Variants in PIGL observed in about 807,000 individuals in gnomAD.
The protein encoded by PIGL is phosphatidylinositol glycan anchor biosynthesis class L.
PIGL carries 22 observed loss-of-function variants against 31.1 expected under a neutral mutation model. That is an observed-to-expected ratio of 0.71 (90% confidence interval 0.51 to 1.01). PIGL has a LOEUF of 1.01. Ranked by LOEUF, PIGL falls within the 50% of genes least tolerant of loss-of-function variation. The pLI, the probability that PIGL is intolerant of heterozygous loss-of-function variation, is 0.00. For missense variants in PIGL, 302 were observed against 315.9 expected (o/e 0.96, Z 0.33); for synonymous variants, 131 against 117.4 (o/e 1.12, Z -0.75).
chr17:16,260,459 T>C (rs1255228673), intron 2 of PIGL, among the ~76,000 whole-genome samples: 4 of 152,180 alleles, frequency 2.6e-5, no homozygotes, highest in African/African-American at 9.7e-5. Context: ...CAGGAAGACC[T>C]GCCTGCTGTT....
chr17:16,253,073 T>G (rs1334411516), intron 2 of PIGL, among the ~76,000 whole-genome samples: 1 of 152,134 alleles, frequency 6.6e-6, no homozygotes, highest in Admixed American at 6.5e-5. Context: ...CAAAATTAGC[T>G]TGGGGTGATG....
intron 3 of PIGL, among the ~76,000 whole-genome samples, chr17:16,301,790 C>T (rs909194586): frequency 1.3e-5 from 2 of 151,918 alleles, no homozygotes; most frequent in Non-Finnish European, 2.9e-5. Context: ...CCAGGAGTCT[C>T]CATCTCCTGA....
chr17:16,226,481 C>T (rs73978817), intron 1 of PIGL, among the ~76,000 whole-genome samples: 7,532 of 152,232 alleles, frequency 0.049, 227 homozygotes, highest in African/African-American at 0.093. Flanking sequence ...CCTTAAAAAT[C>T]TTGCAGTATC....
At chr17:16,248,692 T>C (rs2092758699) in intron 2 of PIGL, among the ~76,000 whole-genome samples, 1 of 152,196 alleles carries the variant, frequency 6.6e-6, no homozygotes, top group Non-Finnish European at 1.5e-5. Context: ...TTTCTAGCAT[T>C]CACCTCAAAA....
rs115465233 is a variant in PIGL, at chr17:16,290,522, T to A, written c.336-9366T>A. Among the ~76,000 whole-genome samples, 800 of 152,252 alleles carry A rather than the reference T, an allele frequency of 5.3e-3. 9 individuals carry two copies. The highest frequency in any genetic ancestry group is 0.018 in the African/African-American group (757 of 41,556). ...GATCCTTATGCCTCAGCCTCCCAAG[T>A]AGTTAGGACTACAGGTGCATGCCAC... On this transcript the variant is annotated intron_variant, in intron 2 of 6. Coordinates refer to ENST00000225609, the MANE Select transcript of PIGL (RefSeq NM_004278.4).
chr17:16,255,549 G>C (rs144858945), intron 2 of PIGL, among the ~76,000 whole-genome samples: 1 of 152,234 alleles, frequency 6.6e-6, no homozygotes, highest in Non-Finnish European at 1.5e-5. Flanking sequence ...CATGCAAATC[G>C]TAACAGGGAA....
Position 16,219,251 on chromosome 17 carries a change from G to A in PIGL, c.235+1790G>A, listed in dbSNP as rs369051304. Among the ~76,000 whole-genome samples, 14 of 151,690 alleles carry A rather than the reference G, an allele frequency of 9.2e-5. No individual in the cohort carries two copies. The East Asian group carries it at 1.4e-3, about 15-fold the overall frequency. ...TTTGTTTTTAGTTTTTAGTAGAGAC[G>A]GGGTTTCACTGTGTTAGCCAGGATG... On this transcript the variant is annotated intron_variant, in intron 1 of 6. Coordinates refer to ENST00000225609, the MANE Select transcript of PIGL (RefSeq NM_004278.4).
intron 2 of PIGL, among the ~76,000 whole-genome samples, chr17:16,286,686 G>C (rs1414025315): frequency 6.6e-6 from 1 of 152,144 alleles, no homozygotes; most frequent in Non-Finnish European, 1.5e-5. Flanking sequence ...GGAAGGAGTC[G>C]TCGGGCTTCT....
At chr17:16,246,844 C>A (rs62074164) in intron 2 of PIGL, among the ~76,000 whole-genome samples, 39,323 of 148,388 alleles carry the variant, frequency 0.27, 6,871 homozygotes, top group Middle Eastern at 0.38. Flanking sequence ...CGCCACCGCG[C>A]CCGGCTAATT....
At chr17:16,248,820 A>T (rs532129246) in intron 2 of PIGL, among the ~76,000 whole-genome samples, 1 of 152,160 alleles carries the variant, frequency 6.6e-6, no homozygotes, top group African/African-American at 2.4e-5. Flanking sequence ...ACAAAATACC[A>T]TAGACTGGGT....
rs187469740 is a variant in PIGL at position 16,271,063 on chromosome 17, T to G, written c.336-28825T>G. Among the ~76,000 whole-genome samples the G allele has an allele frequency of 1.1e-3, 169 of 152,306 alleles. 1 individual carries two copies. The highest frequency in any genetic ancestry group is 3.9e-3 in the African/African-American group (164 of 41,560). Reference sequence around the variant, plus strand: ...AAAGAAGTCATAGAATGTATGTATTTCTTTATTGAATAAAGTCTATTAAAA... The same window carrying G: ...AAAGAAGTCATAGAATGTATGTATTGCTTTATTGAATAAAGTCTATTAAAA... On this transcript the variant is annotated intron_variant, in intron 2 of 6. Coordinates refer to ENST00000225609, the MANE Select transcript of PIGL (RefSeq NM_004278.4).
At chr17:16,267,700 A>G (rs1211422096) in intron 2 of PIGL, among the ~76,000 whole-genome samples, 1 of 151,810 alleles carries the variant, frequency 6.6e-6, no homozygotes, top group African/African-American at 2.4e-5. Flanking sequence ...ATATCAAAAA[A>G]AAGAAAAAAA....
Position 16,290,097 on chromosome 17 carries a change from T to A in PIGL, c.336-9791T>A, listed in dbSNP as rs572656203. On this transcript the variant is annotated intron_variant, in intron 2 of 6. Transcript: ENST00000225609. ...GGCCTTCTTTTTTTTCTCTTTTTTT[T>A]AATTTTTTTTTTTTGAGACGGAGAC... Among the ~76,000 whole-genome samples, 17 of 150,758 alleles carry A rather than the reference T, an allele frequency of 1.1e-4. No individual in the cohort carries two copies. The East Asian group carries it at 1.6e-3, about 14-fold the overall frequency.
At chr17:16,229,858 A>ATTTTTTTTTTTT (rs71150280) in intron 1 of PIGL, among the ~76,000 whole-genome samples, 3 of 97,700 alleles carry the variant, frequency 3.1e-5, no homozygotes, top group African/African-American at 4.3e-5. Context: ...TAAAGTCATG[A>ATTTTTTTTTTTT]TTTTTTTTTT....
chr17:16,284,202 C>T (rs2092928141), intron 2 of PIGL: 2 of 152,182 alleles, frequency 1.3e-5, no homozygotes, highest in African/African-American at 2.4e-5. Flanking sequence ...GTCTTGAACT[C>T]CTGACCTCAG....
In PIGL at chr17:16,257,040, G is replaced by A. The variant is rs546009694; in HGVS notation, c.335+22970G>A. 2.4e-3 allele frequency among the ~76,000 whole-genome samples: 362 copies of A among 152,172 alleles called. 1 individual carries two copies. The highest frequency in any genetic ancestry group is 2.3e-3 in the African/African-American group (97 of 41,522). On this transcript the variant is annotated intron_variant, in intron 2 of 6. Coordinates refer to ENST00000225609, the MANE Select transcript of PIGL (RefSeq NM_004278.4). ...CATTTGAGCCCAGGAAGTCGAGGCC[G>A]CAATGAGCCATGCACTCCACTGCCA...
rs370297452 is a variant in PIGL at position 16,316,744 on chromosome 17, A to G, written c.526+32A>G. On this transcript the variant is annotated intron_variant, in intron 5 of 6. Transcript: ENST00000225609. ...CTTGTTCCTTTTGCAAAGGGCCACA[A>G]GATACTGTCCCTCTGAGAAACTTAT... The G allele has an allele frequency of 4.5e-5, 72 of 1,608,898 alleles. 1 individual carries two copies. The African/African-American group carries it at 8.3e-4, about 18-fold the overall frequency.
chr17:16,226,208 C>G (rs1266863421), intron 1 of PIGL, among the ~76,000 whole-genome samples: 1 of 151,998 alleles, frequency 6.6e-6, no homozygotes, highest in Non-Finnish European at 1.5e-5. Flanking sequence ...TGGTTTCAGA[C>G]AAAGTATACT....
chr17:16,322,073 G>A (rs910440086), intron 6 of PIGL, among the ~76,000 whole-genome samples: 2 of 151,814 alleles, frequency 1.3e-5, no homozygotes, highest in African/African-American at 4.8e-5. Context: ...GTGAGCCATC[G>A]CACCCAGCCT....
Sources: gnomAD v4.1 joint callset for allele counts (sites outside exome capture counted in the v4.1 genomes callset) on GRCh38, gnomAD v4.1.1 for gene constraint, MANE v1.5 for transcripts, NCBI Gene and HGNC (gene_info 2026-07-23, HGNC 2026-07-21) for gene names.